The following TCEAL1 variants were observed in gnomAD, a reference collection of about 807,000 sequenced individuals.
TCEAL1 encodes transcription elongation factor A like 1.
For synonymous variants in TCEAL1, 48 were observed against 46.0 expected (o/e 1.04, Z -0.17); for missense variants, 82 against 125.9 (o/e 0.65, Z 1.67).
Position 103,630,593 on chromosome X carries a change from T to C in TCEAL1, c.*197T>C. ...AAATCTACAAGTTTCCCTCTTTCAG[T>C]CATGAGCCCTACACATTTGCATGAA... On this transcript the variant is annotated 3_prime_UTR_variant, in exon 3 of 3. Transcript: ENST00000372625. The C allele has an allele frequency of 2.3e-6, 1 of 438,756 alleles. No homozygotes were observed. Among genetic ancestry groups the C allele is most frequent in the Non-Finnish European group, 3.8e-6 (1 of 263,429 alleles). 36.2% of individuals were successfully genotyped at this position (438,756 alleles called of 1,213,427 possible).
At position 103,630,447 on chromosome X, in the gene TCEAL1, A is replaced by G; in HGVS notation, c.*51A>G. ...GCCTGCTAATAGTATTGCCATTGCC[A>G]CCTGGACTTTCTGTTTGCATTTTCT... On this transcript the variant is annotated 3_prime_UTR_variant, in exon 3 of 3. Transcript: ENST00000372625. 3 of 1,085,709 alleles carry G rather than the reference A, an allele frequency of 2.8e-6. No individual in the cohort carries two copies. The highest frequency in any genetic ancestry group is 3.6e-6 in the Non-Finnish European group (3 of 832,481). 89.5% of individuals were successfully genotyped at this position (1,085,709 alleles called of 1,213,427 possible).
intron 2 of TCEAL1, 126 bp from the exon 3 acceptor site, chrX:103,629,759 T>C: frequency 1.6e-6 from 1 of 615,756 alleles, no homozygotes; most frequent in Non-Finnish European, 2.3e-6. Context: ...GGAGAGCCTC[T>C]GGGAAAGCGC....
rs1474367727 is a variant in TCEAL1 at position 103,630,398 on chromosome X, G to A, written c.*2G>A. 4 of 1,178,574 alleles carry A rather than the reference G, an allele frequency of 3.4e-6. No homozygotes were observed. In the African/African-American group the frequency reaches 7.1e-5, roughly 21 times the overall value. ...CGGAGCCGTCCTTATCCTATTTAAT[G>A]TGTTCGGCCTTTAATTCTGTTTTGC... is the stretch of plus-strand genomic sequence containing the variant. On this transcript the variant is annotated 3_prime_UTR_variant, in exon 3 of 3. Transcript: ENST00000372625.
chrX:103,630,544 G>A lies in TCEAL1; in HGVS notation c.*148G>A, dbSNP rs2073719037. 1.5e-5 allele frequency: 10 copies of A among 680,298 alleles called. No individual in the cohort carries two copies. The highest frequency in any genetic ancestry group is 1.9e-5 in the Non-Finnish European group (9 of 474,894). 56.1% of individuals were successfully genotyped at this position (680,298 alleles called of 1,213,427 possible). On this transcript the variant is annotated 3_prime_UTR_variant, in exon 3 of 3. Coordinates refer to ENST00000372625, the MANE Select transcript of TCEAL1 (RefSeq NM_004780.3). ...ATTTTAGATGTTTAGCATGTAACTC[G>A]CTTAAAGTTGAGGTTTCCCCCTAAA...
In TCEAL1 at chrX:103,629,536, G is replaced by C. The variant is rs1372049992; in HGVS notation, c.-70G>C. The C allele has an allele frequency of 6.9e-6, 1 of 144,815 alleles. No individual in the cohort carries two copies. Among genetic ancestry groups the C allele is most frequent in the Non-Finnish European group, 1.4e-5 (1 of 72,731 alleles). 11.9% of individuals were successfully genotyped at this position (144,815 alleles called of 1,213,427 possible). On this transcript the variant is annotated 5_prime_UTR_variant, in exon 2 of 3. Transcript: ENST00000372625. The stretch of plus-strand genomic sequence containing the variant: ...GGGCACCTCGAGGAGAGGACGACTA[G>C]GAGCACACGGCCCGGAAAGGTCCAG...
In TCEAL1 at chrX:103,630,075, C is replaced by G. The variant is rs1264515450; in HGVS notation, c.159C>G (p.Leu53=). 8 of 1,208,198 alleles carry G rather than the reference C, an allele frequency of 6.6e-6. No individual in the cohort carries two copies. The highest frequency in any genetic ancestry group is 1.8e-5 in the African/African-American group (1 of 56,749). Reference sequence around the variant, plus strand: ...AGGAGGAGTTCTTTCCTGAGGAGCTCTTGCCTGAGCTCCTGCCTGAGATGC... The same window carrying G: ...AGGAGGAGTTCTTTCCTGAGGAGCTGTTGCCTGAGCTCCTGCCTGAGATGC... ...SSEEEFFPEE[L]LPELLPEMLL... The change falls in exon 3 of 3, where the codon CTC becomes CTG. Residue 53 remains leucine, a synonymous_variant. Transcript: ENST00000372625.
chrX:103,630,528 GT>G lies in TCEAL1; in HGVS notation c.*135del. On this transcript the variant is annotated 3_prime_UTR_variant, in exon 3 of 3. Transcript: ENST00000372625. ...CTTTTTGTGAGGCTTTATTTTAGAT[GT>G]TTAGCATGTAACTCGCTTAAAGTTG... The G allele has an allele frequency of 1.3e-6, 1 of 773,684 alleles. No homozygotes were observed. The highest frequency in any genetic ancestry group is 1.8e-6 in the Non-Finnish European group (1 of 556,972). The allele number at this position is 773,684 out of a possible 1,213,427, so 63.8% of individuals were successfully genotyped here.
chrX:103,630,328 A>G lies in TCEAL1; in HGVS notation c.412A>G (p.Lys138Glu). ...GGCAGCAGATGAGCTAGAAGAGATG[A>G]AAAGAGTAAGAAACAAACTGATGAT... Reference protein sequence around the residue: ...IQAADELEEMKRVRNKLMIMH... With the variant: ...IQAADELEEMERVRNKLMIMH... The change falls in exon 3 of 3, where the codon AAA becomes GAA. Residue 138 changes from lysine to glutamate, a missense_variant. Transcript: ENST00000372625. The G allele has an allele frequency of 8.3e-7, 1 of 1,212,046 alleles. No individual in the cohort carries two copies. The highest frequency in any genetic ancestry group is 1.1e-6 in the Non-Finnish European group (1 of 895,500).
chrX:103,629,848 G>C, intron 2 of TCEAL1, 37 bp from the exon 3 acceptor site: 1 of 1,087,714 alleles, frequency 9.2e-7, no homozygotes, highest in Non-Finnish European at 1.2e-6. Context: ...CAGCCGCTTA[G>C]TATTCTGACT....
At position 103,630,626 on chromosome X, in the gene TCEAL1, C is replaced by A; in HGVS notation, c.*230C>A. 2 of 340,776 alleles carry A rather than the reference C, an allele frequency of 5.9e-6. No individual in the cohort carries two copies. Among genetic ancestry groups the A allele is most frequent in the Non-Finnish European group, 1.0e-5 (2 of 196,259 alleles). 28.1% of individuals were successfully genotyped at this position (340,776 alleles called of 1,213,427 possible). ...CCTACACATTTGCATGAAAGATGTA[C>A]ATTATATATTGTGAAACGAAAAAAG... On this transcript the variant is annotated 3_prime_UTR_variant, in exon 3 of 3. Coordinates refer to ENST00000372625, the MANE Select transcript of TCEAL1 (RefSeq NM_004780.3).
In TCEAL1 at chrX:103,630,404, G is replaced by C. The variant is rs192613410; in HGVS notation, c.*8G>C. ...CGTCCTTATCCTATTTAATGTGTTC[G>C]GCCTTTAATTCTGTTTTGCCTGCTA... On this transcript the variant is annotated 3_prime_UTR_variant, in exon 3 of 3. Transcript: ENST00000372625. 149 of 1,164,847 alleles carry C rather than the reference G, an allele frequency of 1.3e-4. 1 individual carries two copies. The East Asian group carries it at 4.5e-3, about 35-fold the overall frequency.
Position 103,630,445 on chromosome X carries a change from C to T in TCEAL1, c.*49C>T. 1.8e-6 allele frequency: 2 copies of T among 1,088,686 alleles called. No individual in the cohort carries two copies. The highest frequency in any genetic ancestry group is 2.4e-6 in the Non-Finnish European group (2 of 833,489). 89.7% of individuals were successfully genotyped at this position (1,088,686 alleles called of 1,213,427 possible). On this transcript the variant is annotated 3_prime_UTR_variant, in exon 3 of 3. Transcript: ENST00000372625. Reference sequence around the variant, plus strand: ...TTGCCTGCTAATAGTATTGCCATTGCCACCTGGACTTTCTGTTTGCATTTT... The same window carrying T: ...TTGCCTGCTAATAGTATTGCCATTGTCACCTGGACTTTCTGTTTGCATTTT...
rs953537154 is a variant in TCEAL1, at chrX:103,630,189, A to G, written c.273A>G (p.Gly91=). The G allele has an allele frequency of 7.4e-6, 9 of 1,211,885 alleles. No homozygotes were observed. The highest frequency in any genetic ancestry group is 1.0e-5 in the Non-Finnish European group (9 of 895,505). The change falls in exon 3 of 3, where the codon GGA becomes GGG. Residue 91 remains glycine (G), a synonymous_variant. Coordinates refer to ENST00000372625, the MANE Select transcript of TCEAL1 (RefSeq NM_004780.3). ...GRPPMEQPPC[G]VGKHKLEEGS... Reference sequence around the variant, plus strand: ...CTCCCATGGAGCAGCCTCCTTGTGGAGTAGGAAAACATAAGCTTGAAGAAG... The same window carrying G: ...CTCCCATGGAGCAGCCTCCTTGTGGGGTAGGAAAACATAAGCTTGAAGAAG...
At chrX:103,629,070 G>C (rs1436803211) in intron 1 of TCEAL1, 45 bp downstream of exon 1, 2 of 111,880 alleles carry the variant, frequency 1.8e-5, no homozygotes, top group African/African-American at 6.5e-5. Context: ...TGTCGGCGCT[G>C]CCTAGTAACC....
At position 103,630,160 on chromosome X, in the gene TCEAL1, C is replaced by T; in HGVS notation, c.244C>T (p.Arg82Cys). 1 of 1,211,585 alleles carries T rather than the reference C, an allele frequency of 8.3e-7. No homozygotes were observed. The highest frequency in any genetic ancestry group is 1.1e-6 in the Non-Finnish European group (1 of 895,427). ...TTCCAGGAAGGACCTGTTTGAGGGG[C>T]GCCCTCCCATGGAGCAGCCTCCTTG... is the stretch of plus-strand genomic sequence containing the variant. ...GLSRKDLFEG[R>C]PPMEQPPCGV... The change falls in exon 3 of 3, where the codon CGC (arginine) becomes TGC (cysteine). Residue 82 changes from arginine (R) to cysteine (C), a missense_variant. Transcript: ENST00000372625.
rs755597804 is a variant in TCEAL1 at position 103,630,381 on chromosome X, T to C, written c.465T>C (p.Arg155=). The change falls in exon 3 of 3, where the codon CGT becomes CGC. Residue 155 remains arginine (R), a synonymous_variant. Coordinates refer to ENST00000372625, the MANE Select transcript of TCEAL1 (RefSeq NM_004780.3). ...TGCACTGGAAGGCAAAACGGAGCCG[T>C]CCTTATCCTATTTAATGTGTTCGGC... ...MIMHWKAKRS[R]PYPI is the part of the protein sequence containing the mutation. The C allele has an allele frequency of 1.7e-6, 2 of 1,200,004 alleles. No individual in the cohort carries two copies. The highest frequency in any genetic ancestry group is 4.5e-5 in the Admixed American group (2 of 44,560).
chrX:103,629,467 C>T (rs952066186), intron 1 of TCEAL1, 27 bp from the exon 2 acceptor site: 4 of 116,032 alleles, frequency 3.4e-5, no homozygotes, highest in Non-Finnish European at 7.2e-5. Flanking sequence ...CTCCCCGCCC[C>T]CTACCCTGTC....
In TCEAL1 at chrX:103,629,446, C is replaced by T. The variant is rs753386918; in HGVS notation, c.-112-48C>T. 2.0e-3 allele frequency: 223 copies of T among 113,428 alleles called. 1 individual carries two copies. The highest frequency in any genetic ancestry group is 8.9e-3 in the Middle Eastern group (2 of 225). The allele number at this position is 113,428 out of a possible 1,213,427, so 9.3% of individuals were successfully genotyped here. A position where few individuals can be genotyped will look rare whatever the true frequency, so the allele number is the denominator to read the frequency against. ...GGTGGGGGGTGTCAGTCAGTCCGTCCCTCCTCCCCACTCCCCGCCCCCTAC... is the reference window on the plus strand; with the variant it reads ...GGTGGGGGGTGTCAGTCAGTCCGTCTCTCCTCCCCACTCCCCGCCCCCTAC... On this transcript the variant is annotated intron_variant, in intron 1 of 2. Coordinates refer to ENST00000372625, the MANE Select transcript of TCEAL1 (RefSeq NM_004780.3).
chrX:103,629,805 C>G (rs2073713739), intron 2 of TCEAL1, 80 bp from the exon 3 acceptor site: 1 of 933,464 alleles, frequency 1.1e-6, no homozygotes, highest in Admixed American at 4.4e-5. Flanking sequence ...CAGGAAAAGG[C>G]AGGTATTGGA....
Sources: gnomAD v4.1 joint callset for allele counts on GRCh38, gnomAD v4.1.1 for gene constraint, MANE v1.5 for transcripts, NCBI Gene and HGNC (gene_info 2026-07-23, HGNC 2026-07-21) for gene names.